Variants in NRG1 observed in about 807,000 individuals in gnomAD.
NRG1 encodes pro-neuregulin-1, membrane-bound isoform.
A neutral mutation model predicts 63.8 loss-of-function variants in NRG1; 18 were observed. The observed-to-expected ratio is 0.28, with a 90% confidence interval of 0.19 to 0.42. The LOEUF (loss-of-function observed/expected upper bound fraction) is 0.42, where lower values mean the gene tolerates loss of function less well. Among genes scored for constraint, NRG1 ranks in the 10% least tolerant of loss-of-function variants. The pLI, the probability that NRG1 is intolerant of heterozygous loss-of-function variation, is 1.00. For synonymous variants in NRG1, 302 were observed against 301.3 expected (o/e 1.00, Z -0.02); for missense variants, 762 against 814.7 (o/e 0.94, Z 0.79).
intron 1 of NRG1, among the ~76,000 whole-genome samples, chr8:31,990,474 G>C (rs1168160888): frequency 6.6e-6 from 1 of 152,016 alleles, no homozygotes; most frequent in Non-Finnish European, 1.5e-5. Context: ...ACACAAATAG[G>C]ACTAATGCAC....
At chr8:32,017,171 A>G (rs1815672019) in intron 1 of NRG1, among the ~76,000 whole-genome samples, 2 of 152,226 alleles carry the variant, frequency 1.3e-5, no homozygotes, top group African/African-American at 4.8e-5. Context: ...GTACATTAAA[A>G]GTACCCAGAA....
At chr8:32,367,433 C>T (rs1164791390) in intron 1 of NRG1, among the ~76,000 whole-genome samples, 1 of 151,764 alleles carries the variant, frequency 6.6e-6, no homozygotes, top group Non-Finnish European at 1.5e-5. Context: ...TACCTGCTAG[C>T]CAATTGTATG....
At chr8:32,684,962 T>C (rs1809695921) in intron 5 of NRG1, among the ~76,000 whole-genome samples, 1 of 152,146 alleles carries the variant, frequency 6.6e-6, no homozygotes, top group African/African-American at 2.4e-5. Flanking sequence ...TAGATATACA[T>C]ATAGTTGTAG....
At chr8:32,406,537 T>C (rs1248942496) in intron 1 of NRG1, among the ~76,000 whole-genome samples, 1 of 144,664 alleles carries the variant, frequency 6.9e-6, no homozygotes, top group Non-Finnish European at 1.5e-5. Context: ...TCTGTTTCTG[T>C]GCACTAGTTT....
rs570040055 is a variant in NRG1 at position 32,125,422 on chromosome 8, A to G, written c.38-470406A>G. ...TTTCCCTGAGTCATTGCTGCTTCAA[A>G]TCTCAGTCTTTAGGAATCACTTCTG... is the stretch of plus-strand genomic sequence containing the variant. On this transcript the variant is annotated intron_variant, in intron 1 of 10. Coordinates refer to the NRG1 transcript ENST00000519301. Among the ~76,000 whole-genome samples the G allele has an allele frequency of 2.0e-5, 3 of 152,006 alleles. No homozygotes were observed. The South Asian group carries it at 6.2e-4, about 32-fold the overall frequency.
At chr8:32,642,533 A>C (rs1852620010) in intron 5 of NRG1, among the ~76,000 whole-genome samples, 1 of 152,230 alleles carries the variant, frequency 6.6e-6, no homozygotes, top group Non-Finnish European at 1.5e-5. Flanking sequence ...CCATTGGTGT[A>C]CTTTATCCTC....
chr8:31,958,128 T>A (rs1414449026), intron 1 of NRG1, among the ~76,000 whole-genome samples: 1 of 152,042 alleles, frequency 6.6e-6, no homozygotes, highest in Non-Finnish European at 1.5e-5. Flanking sequence ...TGTTTGTGTG[T>A]GTGTTGTGTG....
chr8:32,424,190 T>C (rs568329613), intron 1 of NRG1, among the ~76,000 whole-genome samples: 5 of 152,210 alleles, frequency 3.3e-5, no homozygotes, highest in Non-Finnish European at 7.4e-5. Context: ...CAAACTGCCT[T>C]CTCCAGTCCA....
chr8:32,531,232 A>G (rs1339931793), intron 1 of NRG1, among the ~76,000 whole-genome samples: 1 of 152,130 alleles, frequency 6.6e-6, no homozygotes, highest in Non-Finnish European at 1.5e-5. Context: ...ATGCAATTCT[A>G]ATGAAAATTC....
chr8:32,282,195 C>A (rs1035782521), intron 1 of NRG1, among the ~76,000 whole-genome samples: 7 of 152,120 alleles, frequency 4.6e-5, no homozygotes, highest in African/African-American at 1.7e-4. Flanking sequence ...TGCATTTGTG[C>A]CTTTGGTGGA....
intron 1 of NRG1, among the ~76,000 whole-genome samples, chr8:32,578,911 A>G (rs1840146442): frequency 3.9e-5 from 6 of 152,154 alleles, no homozygotes; most frequent in Admixed American, 3.9e-4. Flanking sequence ...CTTGACTTAG[A>G]ATTGAATGTA....
chr8:31,947,968 A>AC (rs1487813261), intron 1 of NRG1, among the ~76,000 whole-genome samples: 1 of 148,608 alleles, frequency 6.7e-6, no homozygotes, highest in African/African-American at 2.6e-5. Flanking sequence ...AAAAAAAAAA[A>AC]AAAACTACTA....
At chr8:31,690,977 G>T (rs1257256835) in intron 1 of NRG1, among the ~76,000 whole-genome samples, 2 of 152,148 alleles carry the variant, frequency 1.3e-5, no homozygotes, top group Non-Finnish European at 2.9e-5. Flanking sequence ...CATAATAGAT[G>T]CTGAGTGAAC....
intron 10 of NRG1, 25 bp downstream of exon 10, chr8:32,759,461 G>T (rs1440311172): frequency 1.2e-6 from 2 of 1,606,312 alleles, no homozygotes; most frequent in African/African-American, 1.3e-5. Flanking sequence ...AAATTCCACG[G>T]CTTTTCTCTC....
At chr8:32,439,285 G>A (rs1819201628) in intron 1 of NRG1, among the ~76,000 whole-genome samples, 1 of 152,142 alleles carries the variant, frequency 6.6e-6, no homozygotes, top group African/African-American at 2.4e-5. Context: ...AACGTACTCT[G>A]TACTGAGGAA....
chr8:32,323,035 A>T (rs918538563), intron 1 of NRG1, among the ~76,000 whole-genome samples: 1 of 152,288 alleles, frequency 6.6e-6, no homozygotes, highest in East Asian at 1.9e-4. Flanking sequence ...CGATACAGTC[A>T]TTTAACTTAA....
chr8:32,289,326 AC>A (rs1034185845), intron 1 of NRG1, among the ~76,000 whole-genome samples: 1 of 151,894 alleles, frequency 6.6e-6, no homozygotes, highest in Non-Finnish European at 1.5e-5. Context: ...CAGAGCAAGG[AC>A]CCCTCTTGTT....
At chr8:32,265,203 T>C (rs1158489537) in intron 1 of NRG1, among the ~76,000 whole-genome samples, 1 of 152,006 alleles carries the variant, frequency 6.6e-6, no homozygotes, top group African/African-American at 2.4e-5. Flanking sequence ...AGCATAGTGG[T>C]GTACACCTAT....
intron 1 of NRG1, among the ~76,000 whole-genome samples, chr8:32,432,730 G>A (rs1818298948): frequency 6.6e-6 from 1 of 151,900 alleles, no homozygotes; most frequent in Admixed American, 6.6e-5. Flanking sequence ...TTTTACTCAA[G>A]CAATCCTCCT....
Sources: gnomAD v4.1 joint callset for allele counts (sites outside exome capture counted in the v4.1 genomes callset) on GRCh38, gnomAD v4.1.1 for gene constraint, MANE v1.5 for transcripts, NCBI Gene and HGNC (gene_info 2026-07-23, HGNC 2026-07-21) for gene names.